The following ATP8B1 variants were observed in gnomAD, a reference collection of about 807,000 sequenced individuals.
ATP8B1 encodes the protein ATPase phospholipid transporting 8B1.
A neutral mutation model predicts 149.9 loss-of-function variants in ATP8B1; 80 were observed. That is an observed-to-expected ratio of 0.53 (90% confidence interval 0.45 to 0.64). ATP8B1 has a LOEUF of 0.64. ATP8B1 is among the 30% of genes least tolerant of loss of function. The pLI is 0.00. For missense variants in ATP8B1, 1,247 were observed against 1,552.6 expected, an observed-to-expected ratio of 0.80 and a Z score of 3.31; for synonymous variants, 536 against 562.8, an observed-to-expected ratio of 0.95 and a Z score of 0.67.
chr18:57,678,257 A>G (rs1911716948), intron 15 of ATP8B1, among the ~76,000 whole-genome samples: 1 of 152,132 alleles, frequency 6.6e-6, no homozygotes, highest in Admixed American at 6.5e-5. Flanking sequence ...GGGGACTTCA[A>G]GAGAAAGGAG....
At chr18:57,712,451 C>G (rs1184591531) in intron 2 of ATP8B1, among the ~76,000 whole-genome samples, 2 of 152,248 alleles carry the variant, frequency 1.3e-5, no homozygotes, top group African/African-American at 4.8e-5. Context: ...ATAGAGGGAG[C>G]ATTTAGACCA....
At chr18:57,715,313 G>C (rs1437667340) in intron 2 of ATP8B1, among the ~76,000 whole-genome samples, 1 of 152,008 alleles carries the variant, frequency 6.6e-6, no homozygotes, top group Non-Finnish European at 1.5e-5. Flanking sequence ...TGGAAAATAT[G>C]GTCAGAGGAG....
intron 1 of ATP8B1, among the ~76,000 whole-genome samples, chr18:57,788,080 T>C (rs2080427309): frequency 6.6e-6 from 1 of 152,144 alleles, no homozygotes; most frequent in Admixed American, 6.5e-5. Flanking sequence ...ACCTATTGTC[T>C]ATCCCTGCTA....
At chr18:57,750,102 G>A (rs1159539960) in intron 1 of ATP8B1, among the ~76,000 whole-genome samples, 2 of 152,114 alleles carry the variant, frequency 1.3e-5, no homozygotes, top group Non-Finnish European at 2.9e-5. Flanking sequence ...AATTATCCAG[G>A]CATGGTGGCG....
intron 16 of ATP8B1, 98 bp downstream of exon 16, chr18:57,674,736 C>G: frequency 7.2e-7 from 1 of 1,384,082 alleles, no homozygotes; most frequent in South Asian, 1.2e-5. Flanking sequence ...AGCCAAGTAG[C>G]TCTTTCACTG....
At chr18:57,697,751 T>C in intron 7 of ATP8B1, 44 bp downstream of exon 7, 1 of 1,611,488 alleles carries the variant, frequency 6.2e-7, no homozygotes, top group Non-Finnish European at 8.5e-7. Context: ...GCACAGGGGC[T>C]GGGGGAGAAC....
At chr18:57,795,965 T>C (rs544912287) in intron 1 of ATP8B1, among the ~76,000 whole-genome samples, 30 of 151,502 alleles carry the variant, frequency 2.0e-4, no homozygotes, top group Non-Finnish European at 3.7e-4. Flanking sequence ...GGTCAGGAGT[T>C]CAAGATCAGC....
intron 23 of ATP8B1, among the ~76,000 whole-genome samples, chr18:57,654,400 C>T (rs1909848418): frequency 6.6e-6 from 1 of 151,976 alleles, no homozygotes; most frequent in African/African-American, 2.4e-5. Flanking sequence ...CTCACTGTAC[C>T]TTCTGCCTCC....
intron 1 of ATP8B1, among the ~76,000 whole-genome samples, chr18:57,792,924 T>TG (rs928107766): frequency 6.6e-6 from 1 of 152,152 alleles, no homozygotes; most frequent in Non-Finnish European, 1.5e-5. Flanking sequence ...GGACAGCCTG[T>TG]GGGTTACAGA....
intron 2 of ATP8B1, among the ~76,000 whole-genome samples, chr18:57,713,196 T>TTTCTTTCTTTCTTTCC (rs1913791192): frequency 1.6e-4 from 14 of 89,968 alleles, no homozygotes; most frequent in Non-Finnish European, 1.9e-4. Flanking sequence ...TCTTTCTTTC[T>TTTCTTTCTTTCTTTCC]TTCCTTCCTT....
At chr18:57,794,461 A>G (rs2080491427) in intron 1 of ATP8B1, among the ~76,000 whole-genome samples, 1 of 117,804 alleles carries the variant, frequency 8.5e-6, no homozygotes, top group Non-Finnish European at 1.7e-5. Context: ...ACAACCTGAC[A>G]TTAAAAAAAA....
chr18:57,763,902 G>A (rs1229354160), intron 1 of ATP8B1, among the ~76,000 whole-genome samples: 1 of 152,168 alleles, frequency 6.6e-6, no homozygotes, highest in Non-Finnish European at 1.5e-5. Flanking sequence ...GGGCTTTCCT[G>A]TCACTGGATC....
intron 1 of ATP8B1, among the ~76,000 whole-genome samples, chr18:57,799,312 G>A (rs1467803129): frequency 1.3e-5 from 2 of 152,212 alleles, no homozygotes; most frequent in African/African-American, 4.8e-5. Context: ...TCTCATTGTG[G>A]AAGGGTTGGG....
intron 2 of ATP8B1, among the ~76,000 whole-genome samples, chr18:57,710,823 C>G (rs1338362399): frequency 6.6e-6 from 1 of 152,180 alleles, no homozygotes; most frequent in Non-Finnish European, 1.5e-5. Flanking sequence ...TTAGTAGAGA[C>G]CGGGTTTCAT....
chr18:57,774,208 G>A (rs999499297), intron 1 of ATP8B1, among the ~76,000 whole-genome samples: 1 of 144,752 alleles, frequency 6.9e-6, no homozygotes, highest in Non-Finnish European at 1.6e-5. Flanking sequence ...ACCTTTTTAG[G>A]AGCCCAATCA....
intron 2 of ATP8B1, among the ~76,000 whole-genome samples, chr18:57,726,608 A>G (rs903177619): frequency 6.6e-6 from 1 of 152,198 alleles, no homozygotes; most frequent in African/African-American, 2.4e-5. Flanking sequence ...GTGTCTTCCT[A>G]TGGTGACTTC....
intron 15 of ATP8B1, among the ~76,000 whole-genome samples, chr18:57,683,724 C>T (rs1231538248): frequency 2.6e-5 from 4 of 152,184 alleles, no homozygotes; most frequent in Non-Finnish European, 5.9e-5. Context: ...AATAAATGTG[C>T]TAAGAAAAGT....
rs556317420 is a variant in ATP8B1, at chr18:57,791,312, T to C, written c.-26+11686A>G. On this transcript the variant is annotated intron_variant, in intron 1 of 27. Coordinates refer to ENST00000648908, the MANE Select transcript of ATP8B1 (RefSeq NM_001374385.1). Reference sequence around the variant, plus strand: ...CTTCAAAGTTCATCCATGTAGCATGTATTAAAATTTCCTTCCTTTTTTCTT... The same window carrying C: ...CTTCAAAGTTCATCCATGTAGCATGCATTAAAATTTCCTTCCTTTTTTCTT... Among the ~76,000 whole-genome samples the C allele has an allele frequency of 2.0e-4, 31 of 152,164 alleles. No individual in the cohort carries two copies. The South Asian group carries it at 5.8e-3, about 28-fold the overall frequency.
chr18:57,707,412 G>A (rs1307887378), intron 2 of ATP8B1, among the ~76,000 whole-genome samples: 1 of 150,462 alleles, frequency 6.6e-6, no homozygotes, highest in Non-Finnish European at 1.5e-5. Context: ...ATAATGGAGA[G>A]AACTAGGTGT....
Sources: allele counts gnomAD v4.1 joint callset (sites outside exome capture counted in the v4.1 genomes callset), GRCh38; gene constraint gnomAD v4.1.1; transcripts MANE v1.5; gene names NCBI Gene and HGNC (gene_info 2026-07-23, HGNC 2026-07-21).